SCUBE3: variants seen among roughly 807,000 people sequenced by gnomAD.
The protein encoded by SCUBE3 is signal peptide, CUB domain and EGF like domain containing 3.
In SCUBE3, 33 loss-of-function variants were observed where a neutral mutation model predicts 116.8. The observed-to-expected ratio is 0.28, with a 90% CI of 0.21 to 0.38. The LOEUF is 0.38. Ranked by LOEUF, SCUBE3 falls within the 10% of genes least tolerant of loss-of-function variation. The pLI is 1.00. For synonymous variants in SCUBE3, 418 were observed against 496.9 expected (o/e 0.84, Z 2.11); for missense variants, 1,007 against 1,324.8 (o/e 0.76, Z 3.72).
intron 21 of SCUBE3, among the ~76,000 whole-genome samples, chr6:35,247,272 TA>T (rs1022871390): frequency 6.6e-6 from 1 of 151,376 alleles, no homozygotes; most frequent in Admixed American, 6.6e-5. Context: ...CCGTCTTTAC[TA>T]AAAAAATACA....
At chr6:35,216,409 G>C (rs572236324) in intron 1 of SCUBE3, among the ~76,000 whole-genome samples, 1 of 152,208 alleles carries the variant, frequency 6.6e-6, no homozygotes, top group Admixed American at 6.5e-5. Flanking sequence ...ACCGCAGTTA[G>C]CTTGGTATCC....
chr6:35,217,243 GGAGGCGCGGCGGGGGGGGGGGTGT>G, intron 1 of SCUBE3, among the ~76,000 whole-genome samples: 1 of 11,672 alleles, frequency 8.6e-5, no homozygotes, highest in African/African-American at 1.9e-4. Flanking sequence ...GGGGCGGGGG[GGAGGCGCGGCGGGGGGGGGGGTGT>G]GTGCAGCAGT....
intron 1 of SCUBE3, among the ~76,000 whole-genome samples, chr6:35,215,800 G>T (rs1047631168): frequency 2.6e-5 from 4 of 152,094 alleles, no homozygotes; most frequent in Non-Finnish European, 5.9e-5. Context: ...AAACACTAGA[G>T]ATCCTCAGCT....
rs1021127160 is a variant in SCUBE3, at chr6:35,232,406, T to C, written c.470-444T>C. Among the ~76,000 whole-genome samples the C allele has an allele frequency of 5.9e-5, 9 of 152,116 alleles. No individual in the cohort carries two copies. Among genetic ancestry groups the C allele is most frequent in the Non-Finnish European group, 1.2e-4 (8 of 68,002 alleles). On this transcript the variant is annotated intron_variant, in intron 4 of 21. Transcript: ENST00000274938. The surrounding 1 kb of genome is among the most constrained non-coding windows in gnomAD (Gnocchi z 4.2). Reference sequence around the variant, plus strand: ...GTTGAATAAAATTGCATAGTAAATATCTATACCAATTACCCTCCACTCTCA... The same window carrying C: ...GTTGAATAAAATTGCATAGTAAATACCTATACCAATTACCCTCCACTCTCA...
intron 1 of SCUBE3, 121 bp from the exon 2 acceptor site, chr6:35,227,459 T>C (rs954543430): frequency 9.8e-7 from 1 of 1,021,184 alleles, no homozygotes; most frequent in Admixed American, 1.9e-5. Context: ...CACCTGTTTC[T>C]GGAGGGGGTC....
chr6:35,226,004 C>G (rs916472273), intron 1 of SCUBE3, among the ~76,000 whole-genome samples: 1 of 152,224 alleles, frequency 6.6e-6, no homozygotes, highest in Non-Finnish European at 1.5e-5. Context: ...TGATCACTCA[C>G]TTGCAGGCTG....
intron 1 of SCUBE3, among the ~76,000 whole-genome samples, chr6:35,227,342 G>A (rs1243050588): frequency 6.6e-6 from 1 of 152,206 alleles, no homozygotes; most frequent in Non-Finnish European, 1.5e-5. Flanking sequence ...GAATGATGGA[G>A]TTTTAGCTGT....
Position 35,214,466 on chromosome 6 carries a change from C to T in SCUBE3, c.48C>T (p.Val16=). The T allele has an allele frequency of 6.6e-7, 1 of 1,509,590 alleles. No individual in the cohort carries two copies. The highest frequency in any genetic ancestry group is 8.8e-7 in the Non-Finnish European group (1 of 1,134,006). The allele number at this position is 1,509,590 out of a possible 1,614,324, so 93.5% of individuals were successfully genotyped here. ...GGCTCTGCCTGCTTGTCCTGCTGGT[C>T]CACGCCCGCGCCGCCCAGTACAGCA... ...VPGLCLLVLL[V]HARAAQYSKA... The change falls in exon 1 of 22, where the codon GTC becomes GTT. Residue 16 remains valine (V), a synonymous_variant. Coordinates refer to ENST00000274938, the MANE Select transcript of SCUBE3 (RefSeq NM_152753.4). This position sits in a 1 kb window ranked among gnomAD's most constrained non-coding sequence, Gnocchi z 6.3.
At chr6:35,215,071 T>C (rs1782831650) in intron 1 of SCUBE3, among the ~76,000 whole-genome samples, 1 of 152,080 alleles carries the variant, frequency 6.6e-6, no homozygotes, top group East Asian at 1.9e-4. Context: ...GAGAAGAAAA[T>C]TTCTGTGACT....
Position 35,241,923 on chromosome 6 carries a change from C to T in SCUBE3, c.1417+13C>T. On this transcript the variant is annotated intron_variant, in intron 12 of 21. Coordinates refer to ENST00000274938, the MANE Select transcript of SCUBE3 (RefSeq NM_152753.4). The surrounding 1 kb of genome is among the most constrained non-coding windows in gnomAD (Gnocchi z 4.1). ...AACCACTGCCATGGTAAGCACCAGC[C>T]CAGAAGCCCTGTTCCCACCCTACTC... 1.3e-6 allele frequency: 2 copies of T among 1,561,562 alleles called. No homozygotes were observed. Among genetic ancestry groups the T allele is most frequent in the South Asian group, 1.1e-5 (1 of 90,190 alleles).
In SCUBE3 at chr6:35,240,613, C is replaced by T. The variant is rs1581940573; in HGVS notation, c.1069+123C>T. On this transcript the variant is annotated intron_variant, in intron 9 of 21. Transcript: ENST00000274938. This position sits in a 1 kb window ranked among gnomAD's most constrained non-coding sequence, Gnocchi z 4.6. ...TCCCTGGATGCATGCACCATGTCTG[C>T]ATCCGCTGTGACAAAATAGGAGGAA... 9.2e-6 allele frequency: 5 copies of T among 545,432 alleles called. No homozygotes were observed. Among genetic ancestry groups the T allele is most frequent in the East Asian group, 3.0e-5 (1 of 33,148 alleles). 33.8% of individuals were successfully genotyped at this position (545,432 alleles called of 1,614,324 possible).
At position 35,244,525 on chromosome 6, in the gene SCUBE3, C is replaced by T. The variant is rs926054247; in HGVS notation, c.2240-125C>T. 1 of 807,364 alleles carries T rather than the reference C, an allele frequency of 1.2e-6. No homozygotes were observed. The highest frequency in any genetic ancestry group is 1.7e-5 in the African/African-American group (1 of 58,432). The allele number at this position is 807,364 out of a possible 1,614,324, so 50.0% of individuals were successfully genotyped here. The stretch of plus-strand genomic sequence containing the variant: ...GGCATGACTGGGAAAGATTGAGACC[C>T]TAGAAAAGAACTTTGATGTATCTGA... On this transcript the variant is annotated intron_variant, in intron 17 of 21. Coordinates refer to ENST00000274938, the MANE Select transcript of SCUBE3 (RefSeq NM_152753.4). The surrounding 1 kb of genome is among the most constrained non-coding windows in gnomAD (Gnocchi z 4.3).
chr6:35,243,543 G>T lies in SCUBE3; in HGVS notation c.1910-51G>T. ...AGTGGGAAGGGGAGTCCCAGGCCTGGGTGGTGGGAAATGCGGGGGTGGGTG... is the reference window on the plus strand; with the variant it reads ...AGTGGGAAGGGGAGTCCCAGGCCTGTGTGGTGGGAAATGCGGGGGTGGGTG... On this transcript the variant is annotated intron_variant, in intron 15 of 21. Coordinates refer to ENST00000274938, the MANE Select transcript of SCUBE3 (RefSeq NM_152753.4). The surrounding 1 kb of genome is among the most constrained non-coding windows in gnomAD (Gnocchi z 6.6). The T allele has an allele frequency of 6.7e-7, 1 of 1,497,092 alleles. No individual in the cohort carries two copies. Among genetic ancestry groups the T allele is most frequent in the Non-Finnish European group, 9.0e-7 (1 of 1,111,964 alleles). The allele number at this position is 1,497,092 out of a possible 1,614,324, so 92.7% of individuals were successfully genotyped here. A position where few individuals can be genotyped will look rare whatever the true frequency, so the allele number is the denominator to read the frequency against.
chr6:35,244,691 C>T lies in SCUBE3; in HGVS notation c.2281C>T (p.Arg761Cys), dbSNP rs200587657. 2.0e-5 allele frequency: 33 copies of T among 1,614,146 alleles called. No homozygotes were observed. In the South Asian group the frequency reaches 2.4e-4, roughly 12 times the overall value. ...GCACTACTACAACACCAGCATCCACCGCTGTATTCGCTGTGCCATGGGCTC... is the reference window on the plus strand; with the variant it reads ...GCACTACTACAACACCAGCATCCACTGCTGTATTCGCTGTGCCATGGGCTC... ...PGHYYNTSIH[R>C]CIRCAMGSYQ... Residue 761 changes from arginine (R) to cysteine (C), a missense_variant, in exon 18 of 22, where the codon CGC becomes TGC. Transcript: ENST00000274938. The surrounding 1 kb of genome is among the most constrained non-coding windows in gnomAD (Gnocchi z 4.3).
chr6:35,214,580 G>T lies in SCUBE3; in HGVS notation c.85+77G>T, dbSNP rs115040088. ...AGGGCCTAGGAGCGATTCCCGAGGG[G>T]CAGGGCAGGTGCTGGGGAGCGTGCT... On this transcript the variant is annotated intron_variant, in intron 1 of 21. Coordinates refer to ENST00000274938, the MANE Select transcript of SCUBE3 (RefSeq NM_152753.4). This position sits in a 1 kb window ranked among gnomAD's most constrained non-coding sequence, Gnocchi z 6.3. The T allele has an allele frequency of 2.8e-3, 2,639 of 942,224 alleles. 54 individuals are homozygous for T. In the African/African-American group the frequency reaches 0.038, roughly 14 times the overall value. The allele number at this position is 942,224 out of a possible 1,614,324, so 58.4% of individuals were successfully genotyped here. A position where few individuals can be genotyped will look rare whatever the true frequency, so the allele number is the denominator to read the frequency against.
At position 35,232,252 on chromosome 6, in the gene SCUBE3, CTA is replaced by C. The variant is rs1381432967; in HGVS notation, c.469+395_469+396del. Among the ~76,000 whole-genome samples the C allele has an allele frequency of 6.6e-6, 1 of 152,132 alleles. No homozygotes were observed. Among genetic ancestry groups the C allele is most frequent in the Non-Finnish European group, 1.5e-5 (1 of 68,026 alleles). ...AATAATGGGTTTATATTGGCTGTTT[CTA>C]TGACTCATGCCCCCCACTCCCACTA... On this transcript the variant is annotated intron_variant, in intron 4 of 21. Coordinates refer to ENST00000274938, the MANE Select transcript of SCUBE3 (RefSeq NM_152753.4). The surrounding 1 kb of genome is among the most constrained non-coding windows in gnomAD (Gnocchi z 4.2).
intron 12 of SCUBE3, 76 bp from the exon 13 acceptor site, chr6:35,242,128 C>A: frequency 9.1e-7 from 1 of 1,099,448 alleles, no homozygotes; most frequent in Non-Finnish European, 1.4e-6. Flanking sequence ...TATTACCCAG[C>A]TTCTCAACAA....
Position 35,242,788 on chromosome 6 carries a change from TG to T in SCUBE3, c.1693+13del. On this transcript the variant is annotated intron_variant, in intron 14 of 21. Coordinates refer to ENST00000274938, the MANE Select transcript of SCUBE3 (RefSeq NM_152753.4). Reference sequence around the variant, plus strand: ...GAGCCGAAGAAACCACAGGTGGGACTGGGGGCACTGTTGGGAAGAGGACTGG... The same window carrying T: ...GAGCCGAAGAAACCACAGGTGGGACTGGGGCACTGTTGGGAAGAGGACTGG... 4 of 1,612,086 alleles carry T rather than the reference TG, an allele frequency of 2.5e-6. No homozygotes were observed. In the South Asian group the frequency reaches 3.3e-5, roughly 13 times the overall value.
At position 35,245,232 on chromosome 6, in the gene SCUBE3, TC is replaced by T; in HGVS notation, c.2407del (p.Gln803SerfsTer61). The T allele has an allele frequency of 6.2e-7, 1 of 1,614,134 alleles. No individual in the cohort carries two copies. The highest frequency in any genetic ancestry group is 8.5e-7 in the Non-Finnish European group (1 of 1,180,010). On this transcript the variant is annotated frameshift_variant, in exon 19 of 22. Transcript: ENST00000274938. LOFTEE classifies it high-confidence loss of function. The surrounding 1 kb of genome is among the most constrained non-coding windows in gnomAD (Gnocchi z 4.2). ...STSVAQCKNR[Q>X]CGGELGEFTG... ...TCCACTGGGGTTTGGCTGCAGATCG[TC>T]AGTGTGGTGGGGAGCTGGGTGAGTT...
Sources: allele counts gnomAD v4.1 joint callset (sites outside exome capture counted in the v4.1 genomes callset), GRCh38; gene constraint gnomAD v4.1.1; non-coding constraint Gnocchi (gnomAD v3.1); transcripts MANE v1.5; gene names NCBI Gene and HGNC (gene_info 2026-07-23, HGNC 2026-07-21).